RNF128: variants seen among roughly 807,000 people sequenced by gnomAD.
RNF128 encodes the protein ring finger protein 128, also known as E3 ubiquitin-protein ligase RNF128.
A neutral mutation model predicts 26.2 loss-of-function variants in RNF128; 13 were observed. The observed-to-expected ratio is 0.50, with a 90% confidence interval of 0.32 to 0.79. The LOEUF is 0.79. Ranked by LOEUF, RNF128 falls within the 30% of genes least tolerant of loss-of-function variation. RNF128 has a pLI of 0.03. For synonymous variants in RNF128, 149 were observed against 142.5 expected (o/e 1.05, Z -0.32); for missense variants, 315 against 349.7 (o/e 0.90, Z 0.79).
chrX:106,719,952 C>T lies in RNF128; in HGVS notation c.406+25544C>T, dbSNP rs182056753. Among the ~76,000 whole-genome samples, 383 of 110,226 alleles carry T rather than the reference C, an allele frequency of 3.5e-3. 12 individuals are homozygous for T. Among genetic ancestry groups the T allele is most frequent in the Middle Eastern group, 4.6e-3 (1 of 217 alleles). ...GGCATAGTTCATTAAAAACATTTTC[C>T]TATCCCACTTTCCCCAAATAGTTGT... On this transcript the variant is annotated intron_variant, in intron 1 of 6. Transcript: ENST00000324342.
chrX:106,790,349 C>T, intron 5 of RNF128, 67 bp downstream of exon 5: 1 of 766,333 alleles, frequency 1.3e-6, no homozygotes, highest in Non-Finnish European at 2.0e-6. Flanking sequence ...AACAAAATAA[C>T]ATCCTTATTT....
At chrX:106,757,642 A>C (rs1930043944) in intron 1 of RNF128, among the ~76,000 whole-genome samples, 1 of 94,144 alleles carries the variant, frequency 1.1e-5, no homozygotes, top group Admixed American at 1.2e-4. Flanking sequence ...CTAGATGACG[A>C]GTTAGTGGGT....
At position 106,706,387 on chromosome X, in the gene RNF128, AAAAAAAAAC is replaced by A. The variant is rs201396489; in HGVS notation, c.406+11988_406+11996del. ...CCTCAAATAAATGCTTCCTTATGTGAAAAAAAAACAAAAAAAAACAAGGGTTTACTTATT... is the reference window on the plus strand; with the variant it reads ...CCTCAAATAAATGCTTCCTTATGTGAAAAAAAAAACAAGGGTTTACTTATT... On this transcript the variant is annotated intron_variant, in intron 1 of 6. Transcript: ENST00000324342. Among the ~76,000 whole-genome samples, 673 of 91,036 alleles carry A rather than the reference AAAAAAAAAC, an allele frequency of 7.4e-3. 6 individuals are homozygous for A. Among genetic ancestry groups the A allele is most frequent in the African/African-American group, 0.045 (619 of 13,814 alleles). 79.1% of individuals were successfully genotyped at this position (91,036 alleles called of 115,157 possible). A position where few individuals can be genotyped will look rare whatever the true frequency, so the allele number is the denominator to read the frequency against.
At chrX:106,715,319 C>G (rs372892946) in intron 1 of RNF128, among the ~76,000 whole-genome samples, 1 of 112,176 alleles carries the variant, frequency 8.9e-6, no homozygotes, top group Non-Finnish European at 1.9e-5. Context: ...AACATCTTTT[C>G]GCGTGCTTAT....
chrX:106,776,358 T>C (rs1269279797), intron 2 of RNF128, among the ~76,000 whole-genome samples: 1 of 112,054 alleles, frequency 8.9e-6, no homozygotes, highest in Non-Finnish European at 1.9e-5. Context: ...GGCCTAGATA[T>C]AATGTGAAAA....
At chrX:106,785,003 T>G (rs1930630249) in intron 2 of RNF128, 62 bp from the exon 3 acceptor site, 1 of 832,455 alleles carries the variant, frequency 1.2e-6, no homozygotes, top group South Asian at 2.5e-5. Flanking sequence ...CCTCTCTATC[T>G]TTTTCATCAT....
chrX:106,788,078 G>T, intron 4 of RNF128, 78 bp downstream of exon 4: 1 of 505,015 alleles, frequency 2.0e-6, no homozygotes, highest in Non-Finnish European at 3.1e-6. Flanking sequence ...AAACTATTTT[G>T]AATATTTCCA....
At chrX:106,739,782 T>C (rs2147674840) in intron 1 of RNF128, among the ~76,000 whole-genome samples, 1 of 111,338 alleles carries the variant, frequency 9.0e-6, no homozygotes, top group East Asian at 2.8e-4. Flanking sequence ...GGAAATTTAA[T>C]ATACTCAGGT....
At chrX:106,712,592 GT>G (rs1299684653) in intron 1 of RNF128, among the ~76,000 whole-genome samples, 2 of 110,859 alleles carry the variant, frequency 1.8e-5, no homozygotes, top group Non-Finnish European at 3.8e-5. Flanking sequence ...CATTCTCCAC[GT>G]TTTTTTCTGC....
At chrX:106,777,429 T>C (rs1228556743) in intron 2 of RNF128, among the ~76,000 whole-genome samples, 1 of 112,163 alleles carries the variant, frequency 8.9e-6, no homozygotes, top group Non-Finnish European at 1.9e-5. Flanking sequence ...CTTGTTGGCT[T>C]CTGCAAGTAT....
chrX:106,724,334 A>T (rs937681351), upstream of RNF128, among the ~76,000 whole-genome samples: 2 of 111,262 alleles, frequency 1.8e-5, no homozygotes, highest in African/African-American at 6.6e-5. Flanking sequence ...CATCTTCTGT[A>T]TGGGCTCCCT....
intron 1 of RNF128, among the ~76,000 whole-genome samples, chrX:106,710,546 T>G (rs986350527): frequency 1.8e-4 from 20 of 110,343 alleles, no homozygotes; most frequent in African/African-American, 5.3e-4. Flanking sequence ...TCACTTGAGG[T>G]CAGGGGTTTG....
chrX:106,702,368 A>G (rs993919038), intron 1 of RNF128, among the ~76,000 whole-genome samples: 1 of 111,524 alleles, frequency 9.0e-6, no homozygotes, highest in Admixed American at 9.5e-5. Context: ...TTAATGTTTC[A>G]TTTATTATGT....
chrX:106,794,141 C>A (rs1475817754), intron 6 of RNF128, among the ~76,000 whole-genome samples: 1 of 110,647 alleles, frequency 9.0e-6, no homozygotes, highest in African/African-American at 3.3e-5. Flanking sequence ...CTTCCTTCTC[C>A]TCCATTTATT....
intron 3 of RNF128, among the ~76,000 whole-genome samples, chrX:106,785,704 A>C (rs761297271): frequency 8.9e-6 from 1 of 112,373 alleles, no homozygotes; most frequent in Non-Finnish European, 1.9e-5. Flanking sequence ...CCACTGAATT[A>C]TGATAATTTG....
intron 1 of RNF128, among the ~76,000 whole-genome samples, chrX:106,738,086 T>C (rs1929631453): frequency 8.9e-6 from 1 of 111,955 alleles, no homozygotes; most frequent in Non-Finnish European, 1.9e-5. Flanking sequence ...TTTCAACCTA[T>C]TGTACCAAGG....
Position 106,702,249 on chromosome X carries a change from C to T in RNF128, c.406+7841C>T, listed in dbSNP as rs147968762. Among the ~76,000 whole-genome samples the T allele has an allele frequency of 3.2e-3, 359 of 111,412 alleles. 10 individuals carry two copies. In the East Asian group the frequency reaches 0.081, roughly 25 times the overall value. On this transcript the variant is annotated intron_variant, in intron 1 of 6. Transcript: ENST00000324342. ...GAGCCCTTTCAAGTACATTTCATCT[C>T]CCTTTTCTCCATTTTAAAATCAAAG...
rs758307925 is a variant in RNF128, at chrX:106,796,711, G to A, written c.*998G>A. The A allele has an allele frequency of 9.0e-6, 1 of 111,097 alleles. No homozygotes were observed. The highest frequency in any genetic ancestry group is 3.8e-4 in the South Asian group (1 of 2,624). 9.2% of individuals were successfully genotyped at this position (111,097 alleles called of 1,213,427 possible). A position where few individuals can be genotyped will look rare whatever the true frequency, so the allele number is the denominator to read the frequency against. On this transcript the variant is annotated 3_prime_UTR_variant, in exon 7 of 7. Transcript: ENST00000255499. ...TCCTGGTGTTTGAAAAAGAAGGGGG[G>A]GAGAATTCCAGGTGCCTTAATATAA...
chrX:106,703,148 A>G (rs1928987802), intron 1 of RNF128, among the ~76,000 whole-genome samples: 2 of 112,096 alleles, frequency 1.8e-5, no homozygotes, highest in African/African-American at 6.5e-5. Context: ...CGTGGAAAGA[A>G]CAAAGAGAAA....
Sources: allele counts gnomAD v4.1 joint callset (sites outside exome capture counted in the v4.1 genomes callset), GRCh38; gene constraint gnomAD v4.1.1; transcripts MANE v1.5; gene names NCBI Gene and HGNC (gene_info 2026-07-23, HGNC 2026-07-21).